Variants in GALNT11 observed in about 807,000 individuals in gnomAD.
The protein encoded by GALNT11 is polypeptide N-acetylgalactosaminyltransferase 11.
A neutral mutation model predicts 72.7 loss-of-function variants in GALNT11; 47 were observed. That is an observed-to-expected ratio of 0.65 (90% CI 0.51 to 0.82). GALNT11 has a LOEUF of 0.82. GALNT11 is among the 40% of genes least tolerant of loss of function. The pLI is 0.00. For synonymous variants in GALNT11, 270 were observed against 286.6 expected (o/e 0.94, Z 0.58); for missense variants, 677 against 778.4 (o/e 0.87, Z 1.55).
At chr7:152,102,259 T>G (rs1417075988) in intron 3 of GALNT11, among the ~76,000 whole-genome samples, 1 of 152,150 alleles carries the variant, frequency 6.6e-6, no homozygotes, top group Non-Finnish European at 1.5e-5. Flanking sequence ...AAAGTCTTTA[T>G]TCGGCTGGAC....
chr7:152,106,121 TG>T (rs1331583920), intron 5 of GALNT11, among the ~76,000 whole-genome samples: 1 of 152,238 alleles, frequency 6.6e-6, no homozygotes. Context: ...TTTAAATAAA[TG>T]TAATTAAAAC....
chr7:152,062,996 G>T (rs1461783101), intron 1 of GALNT11, among the ~76,000 whole-genome samples: 1 of 152,174 alleles, frequency 6.6e-6, no homozygotes, highest in Non-Finnish European at 1.5e-5. Flanking sequence ...AGTTAGGGAG[G>T]ATTCCCTCTT....
chr7:152,120,717 C>T, intron 10 of GALNT11, 114 bp from the exon 11 acceptor site: 1 of 877,932 alleles, frequency 1.1e-6, no homozygotes, highest in Non-Finnish European at 1.8e-6. Context: ...AAGTCTAGTG[C>T]ATTGGTCTGT....
chr7:152,085,983 G>T (rs1163946050), intron 1 of GALNT11, among the ~76,000 whole-genome samples: 1 of 152,022 alleles, frequency 6.6e-6, no homozygotes, highest in Non-Finnish European at 1.5e-5. Flanking sequence ...TGAGTCCCTG[G>T]TTCAAGCGAT....
intron 1 of GALNT11, among the ~76,000 whole-genome samples, chr7:152,046,273 C>T (rs934027393): frequency 5.3e-5 from 8 of 152,126 alleles, no homozygotes; most frequent in Non-Finnish European, 1.2e-4. Context: ...AATGCATATT[C>T]TGCAGCCATT....
Position 152,089,239 on chromosome 7 carries a change from C to A in GALNT11, c.-38-4951C>A, listed in dbSNP as rs551166384. Among the ~76,000 whole-genome samples, 9 of 152,218 alleles carry A rather than the reference C, an allele frequency of 5.9e-5. No homozygotes were observed. The South Asian group carries it at 1.9e-3, about 32-fold the overall frequency. On this transcript the variant is annotated intron_variant, in intron 1 of 11. Transcript: ENST00000430044. The stretch of plus-strand genomic sequence containing the variant: ...AGTTCACCTCTGGGACCAGTTGAGT[C>A]ATGAGTCACAAGCCTGGGTAGGATC...
intron 2 of GALNT11, among the ~76,000 whole-genome samples, chr7:152,096,208 T>C (rs1052702841): frequency 6.6e-6 from 1 of 152,184 alleles, no homozygotes; most frequent in African/African-American, 2.4e-5. Context: ...CAAAGCAATA[T>C]GTAGATTCAG....
intron 1 of GALNT11, among the ~76,000 whole-genome samples, chr7:152,050,126 G>A (rs1163893334): frequency 6.6e-6 from 1 of 152,020 alleles, no homozygotes; most frequent in Non-Finnish European, 1.5e-5. Context: ...CTGATACCTA[G>A]GCTGCAAGAC....
chr7:152,081,011 C>G (rs1243372084), intron 1 of GALNT11, among the ~76,000 whole-genome samples: 2 of 152,020 alleles, frequency 1.3e-5, no homozygotes, highest in Non-Finnish European at 2.9e-5. Flanking sequence ...CCATTAATTG[C>G]CAGCACCCTG....
intron 1 of GALNT11, among the ~76,000 whole-genome samples, chr7:152,041,957 G>T (rs965659547): frequency 1.6e-4 from 24 of 152,182 alleles, no homozygotes; most frequent in African/African-American, 5.8e-4. Context: ...ATTGAATTTT[G>T]CAAGTGATCA....
chr7:152,042,723 C>T (rs560322901), intron 1 of GALNT11, among the ~76,000 whole-genome samples: 40 of 152,156 alleles, frequency 2.6e-4, no homozygotes, highest in Non-Finnish European at 5.3e-4. Context: ...GGAATTAGAA[C>T]TTGTGTTCCC....
intron 1 of GALNT11, among the ~76,000 whole-genome samples, chr7:152,034,619 C>T (rs2082468127): frequency 6.6e-6 from 1 of 152,230 alleles, no homozygotes; most frequent in East Asian, 1.9e-4. Context: ...TCTCCCCCTG[C>T]CCAAGAACCC....
intron 6 of GALNT11, among the ~76,000 whole-genome samples, chr7:152,109,425 T>G (rs1587432706): frequency 6.6e-6 from 1 of 152,240 alleles, no homozygotes; most frequent in Non-Finnish European, 1.5e-5. Flanking sequence ...CTCTTTTTCA[T>G]TGGCTGCTTA....
chr7:152,120,968 G>A lies in GALNT11; in HGVS notation c.1695G>A (p.Gly565=). The part of the protein sequence containing the change: ...GSGGSQQWTF[G]KNNRLYQVSV... ...GAGGATCCCAGCAGTGGACCTTTGGGGTGAGGAGTGCTCGGTGATGTTGGG... is the reference window on the plus strand; with the variant it reads ...GAGGATCCCAGCAGTGGACCTTTGGAGTGAGGAGTGCTCGGTGATGTTGGG... Residue 565 remains glycine, a splice_region_variant and synonymous_variant, in exon 11 of 12, where the codon GGG becomes GGA. Transcript: ENST00000430044. The A allele has an allele frequency of 1.2e-6, 2 of 1,612,946 alleles. No individual in the cohort carries two copies. The highest frequency in any genetic ancestry group is 1.7e-6 in the Non-Finnish European group (2 of 1,179,692).
chr7:152,093,609 G>C (rs1275865128), intron 1 of GALNT11, among the ~76,000 whole-genome samples: 5 of 151,696 alleles, frequency 3.3e-5, no homozygotes, highest in Non-Finnish European at 7.4e-5. Flanking sequence ...TTGTATTTTT[G>C]ATAGACACAA....
chr7:152,042,149 C>T (rs1430826156), intron 1 of GALNT11, among the ~76,000 whole-genome samples: 1 of 152,228 alleles, frequency 6.6e-6, no homozygotes, highest in African/African-American at 2.4e-5. Context: ...CAGGCTTAAG[C>T]TGCAGATTGT....
intron 8 of GALNT11, among the ~76,000 whole-genome samples, chr7:152,113,732 T>C (rs1464418395): frequency 3.6e-5 from 1 of 28,148 alleles, no homozygotes; most frequent in African/African-American, 1.3e-4. Context: ...TTTTTTTTTT[T>C]TTTTTTTTTT....
intron 2 of GALNT11, among the ~76,000 whole-genome samples, chr7:152,098,690 G>A (rs538496599): frequency 6.6e-6 from 1 of 152,156 alleles, no homozygotes; most frequent in African/African-American, 2.4e-5. Flanking sequence ...AATCTTCTTT[G>A]TGCAAGGCTC....
intron 1 of GALNT11, among the ~76,000 whole-genome samples, chr7:152,077,589 G>A (rs933721354): frequency 3.4e-4 from 51 of 152,060 alleles, no homozygotes; most frequent in Admixed American, 1.2e-3. Flanking sequence ...GGTCACCTGG[G>A]GGTTTAGTAA....
Sources: allele counts gnomAD v4.1 joint callset (sites outside exome capture counted in the v4.1 genomes callset), GRCh38; gene constraint gnomAD v4.1.1; transcripts MANE v1.5; gene names NCBI Gene and HGNC (gene_info 2026-07-23, HGNC 2026-07-21).